DLG2: variants seen among roughly 807,000 people sequenced by gnomAD.
DLG2 encodes disks large homolog 2.
A neutral mutation model predicts 132.5 loss-of-function variants in DLG2; 45 were observed. The ratio of observed to expected loss-of-function variants is 0.34; its 90% CI spans 0.27 to 0.44. The LOEUF is 0.44. DLG2 is among the 20% of genes least tolerant of loss of function. The probability of loss-of-function intolerance (pLI) is 1.00; values close to 1 mark genes in which losing one functional copy is unlikely to be tolerated. For synonymous variants in DLG2, 424 were observed against 419.6 expected (o/e 1.01, Z -0.13); for missense variants, 1,045 against 1,196.9 (o/e 0.87, Z 1.87).
At chr11:83,622,728 TG>T (rs2061822503) in intron 19 of DLG2, among the ~76,000 whole-genome samples, 1 of 152,364 alleles carries the variant, frequency 6.6e-6, no homozygotes, top group African/African-American at 2.4e-5. Flanking sequence ...GAGATCTTCC[TG>T]GTAGTAATTA....
chr11:84,012,337 C>T (rs2094932906), intron 11 of DLG2, among the ~76,000 whole-genome samples: 2 of 152,066 alleles, frequency 1.3e-5, no homozygotes, highest in African/African-American at 2.4e-5. Flanking sequence ...TGGCAAGAAA[C>T]GCACAGAGTA....
chr11:85,181,472 C>T (rs1306987776), intron 4 of DLG2, among the ~76,000 whole-genome samples: 1 of 151,502 alleles, frequency 6.6e-6, no homozygotes, highest in Non-Finnish European at 1.5e-5. Context: ...TTTTCTATGA[C>T]TTACTCTCTG....
chr11:85,218,411 A>C (rs2082760377), intron 4 of DLG2, among the ~76,000 whole-genome samples: 1 of 152,214 alleles, frequency 6.6e-6, no homozygotes, highest in Non-Finnish European at 1.5e-5. Flanking sequence ...AAAGGATATC[A>C]ACAGACACTT....
At chr11:85,611,600 C>A (rs566485925) in intron 2 of DLG2, among the ~76,000 whole-genome samples, 1 of 152,220 alleles carries the variant, frequency 6.6e-6, no homozygotes, top group Non-Finnish European at 1.5e-5. Flanking sequence ...AACCTCTTCC[C>A]CCAGGGACCA....
intron 7 of DLG2, among the ~76,000 whole-genome samples, chr11:84,307,801 T>C (rs2098240708): frequency 6.6e-6 from 1 of 151,884 alleles, no homozygotes; most frequent in Admixed American, 6.6e-5. Flanking sequence ...CGGAGGTGTC[T>C]GGAGTTTCTT....
At chr11:85,377,872 TACACACACACACAA>T (rs890891788) in intron 3 of DLG2, among the ~76,000 whole-genome samples, 2 of 149,236 alleles carry the variant, frequency 1.3e-5, no homozygotes, top group African/African-American at 4.9e-5. Flanking sequence ...TACATATATA[TACACACACACACAA>T]ACACACACAC....
At chr11:84,528,251 A>G (rs1005639008) in intron 7 of DLG2, among the ~76,000 whole-genome samples, 1 of 152,182 alleles carries the variant, frequency 6.6e-6, no homozygotes, top group Non-Finnish European at 1.5e-5. Context: ...AAGAGAATGC[A>G]TCCCCACCTT....
chr11:84,751,972 C>G (rs1446004934), intron 6 of DLG2, among the ~76,000 whole-genome samples: 1 of 152,198 alleles, frequency 6.6e-6, no homozygotes, highest in Non-Finnish European at 1.5e-5. Flanking sequence ...TCACACTACA[C>G]TCTTCTCCAG....
chr11:83,769,862 G>T (rs766114738), intron 18 of DLG2, among the ~76,000 whole-genome samples: 3 of 152,032 alleles, frequency 2.0e-5, no homozygotes, highest in South Asian at 2.1e-4. Context: ...ACTGTGCCCC[G>T]CCTACCTTGT....
chr11:84,030,952 A>T (rs2154090936), intron 11 of DLG2, among the ~76,000 whole-genome samples: 1 of 152,230 alleles, frequency 6.6e-6, no homozygotes, highest in South Asian at 2.1e-4. Flanking sequence ...GGGACAAGAG[A>T]TAGTTAAATG....
At chr11:85,486,846 G>A (rs560271971) in intron 3 of DLG2, among the ~76,000 whole-genome samples, 11 of 151,440 alleles carry the variant, frequency 7.3e-5, no homozygotes, top group South Asian at 2.1e-4. Flanking sequence ...AAGAATTGGC[G>A]CTCCAGGACC....
intron 6 of DLG2, among the ~76,000 whole-genome samples, chr11:84,822,751 T>C (rs1318851950): frequency 6.6e-6 from 1 of 151,916 alleles, no homozygotes; most frequent in Non-Finnish European, 1.5e-5. Context: ...TTTTCAGAAA[T>C]ACAATGAGGA....
chr11:85,537,572 G>A (rs543466492), intron 3 of DLG2, among the ~76,000 whole-genome samples: 1 of 149,436 alleles, frequency 6.7e-6, no homozygotes, highest in South Asian at 2.1e-4. Context: ...AACTCCAGAC[G>A]TGCCACCTTT....
At chr11:84,568,815 C>T (rs2099468525) in intron 6 of DLG2, among the ~76,000 whole-genome samples, 1 of 152,138 alleles carries the variant, frequency 6.6e-6, no homozygotes, top group African/African-American at 2.4e-5. Context: ...CAAGCTTGGC[C>T]CAGAAGGTCA....
At chr11:85,065,805 G>A (rs349071) in intron 6 of DLG2, among the ~76,000 whole-genome samples, 72,372 of 150,612 alleles carry the variant, frequency 0.48, 17,740 homozygotes, top group South Asian at 0.61. Context: ...AATCTCTGGG[G>A]TACAGAAAAA....
intron 3 of DLG2, among the ~76,000 whole-genome samples, chr11:85,466,561 T>C (rs913140908): frequency 5.3e-5 from 8 of 152,172 alleles, no homozygotes; most frequent in Middle Eastern, 3.2e-3. Flanking sequence ...ATTTATTAAA[T>C]AAGGAATCCT....
chr11:84,004,978 C>T (rs940196768), intron 11 of DLG2, among the ~76,000 whole-genome samples: 11 of 143,994 alleles, frequency 7.6e-5, no homozygotes, highest in South Asian at 4.3e-4. Flanking sequence ...ATAGCTGAAG[C>T]AATCCTGAGC....
chr11:83,655,649 C>T (rs947483748), intron 18 of DLG2, among the ~76,000 whole-genome samples: 1 of 152,110 alleles, frequency 6.6e-6, no homozygotes, highest in African/African-American at 2.4e-5. Context: ...TTGATTTTAT[C>T]ATTTACATTG....
At chr11:83,485,758 C>T (rs1030323951) in intron 21 of DLG2, among the ~76,000 whole-genome samples, 8 of 152,104 alleles carry the variant, frequency 5.3e-5, no homozygotes, top group Non-Finnish European at 1.2e-4. Context: ...AACTTATCTT[C>T]TTTGTATACT....
Sources: allele counts gnomAD v4.1 joint callset (sites outside exome capture counted in the v4.1 genomes callset), GRCh38; gene constraint gnomAD v4.1.1; transcripts MANE v1.5; gene names NCBI Gene and HGNC (gene_info 2026-07-23, HGNC 2026-07-21).